Variants in ARHGAP42 observed in about 807,000 individuals in gnomAD.
ARHGAP42 encodes the protein Rho GTPase activating protein 42.
Under a neutral mutation model 125.0 loss-of-function variants are expected in ARHGAP42, and 63 were observed. The ratio of observed to expected loss-of-function variants is 0.50; its 90% CI spans 0.41 to 0.62. The LOEUF (loss-of-function observed/expected upper bound fraction) is 0.62. ARHGAP42 is among the 20% of genes least tolerant of loss of function. The pLI is 0.00. For synonymous variants in ARHGAP42, 339 were observed against 351.0 expected, an observed-to-expected ratio of 0.97 and a Z score of 0.38; for missense variants, 766 against 1,024.2, an observed-to-expected ratio of 0.75 and a Z score of 3.44.
At chr11:100,943,711 C>A in intron 9 of ARHGAP42, 48 bp from the exon 10 acceptor site, 1 of 1,274,832 alleles carries the variant, frequency 7.8e-7, no homozygotes, top group East Asian at 2.6e-5. Flanking sequence ...TAATATATTT[C>A]AATTCACTTG....
intron 3 of ARHGAP42, among the ~76,000 whole-genome samples, chr11:100,813,382 G>A (rs1255460801): frequency 6.6e-6 from 1 of 152,168 alleles, no homozygotes; most frequent in African/African-American, 2.4e-5. Context: ...AAGGTTTTAA[G>A]CCTGATGAGA....
At chr11:100,743,852 C>G (rs1489795041) in intron 1 of ARHGAP42, among the ~76,000 whole-genome samples, 5 of 152,178 alleles carry the variant, frequency 3.3e-5, no homozygotes, top group Non-Finnish European at 7.3e-5. Context: ...CTTTCATCTA[C>G]TTGTTCTAGT....
At chr11:100,943,344 CTT>C (rs1360702758) in intron 9 of ARHGAP42, among the ~76,000 whole-genome samples, 1 of 151,968 alleles carries the variant, frequency 6.6e-6, no homozygotes, top group Non-Finnish European at 1.5e-5. Flanking sequence ...ATACTAATCT[CTT>C]TGCAATCCAG....
chr11:100,770,031 G>A (rs1377786157), intron 1 of ARHGAP42, among the ~76,000 whole-genome samples: 1 of 152,126 alleles, frequency 6.6e-6, no homozygotes, highest in East Asian at 1.9e-4. Context: ...GTGAGTGGTA[G>A]TTCCTTGATA....
At position 100,720,648 on chromosome 11, in the gene ARHGAP42, C is replaced by T. The variant is rs571677057; in HGVS notation, c.154+32816C>T. Among the ~76,000 whole-genome samples the T allele has an allele frequency of 5.0e-4, 75 of 150,894 alleles. No individual in the cohort carries two copies. The South Asian group carries it at 8.8e-3, about 18-fold the overall frequency. ...AAGAACTTAAAATGAGGATATTTAA[C>T]GTTAATTGTATATGACTGTATTGGT... On this transcript the variant is annotated intron_variant, in intron 1 of 23. Coordinates refer to ENST00000298815, the MANE Select transcript of ARHGAP42 (RefSeq NM_152432.4).
At chr11:100,704,997 C>CCAG (rs1861456001) in intron 1 of ARHGAP42, among the ~76,000 whole-genome samples, 1 of 111,796 alleles carries the variant, frequency 8.9e-6, no homozygotes, top group Non-Finnish European at 1.7e-5. Flanking sequence ...GAGCCAAACC[C>CCAG]CAACAACAAC....
chr11:100,889,263 A>G (rs1866163774), intron 4 of ARHGAP42, among the ~76,000 whole-genome samples: 1 of 152,208 alleles, frequency 6.6e-6, no homozygotes, highest in Middle Eastern at 3.2e-3. Context: ...CAATGCAGTA[A>G]TGTTGACAGG....
At chr11:100,697,179 T>TC (rs1256907151) in intron 1 of ARHGAP42, among the ~76,000 whole-genome samples, 1 of 138,344 alleles carries the variant, frequency 7.2e-6, no homozygotes, top group Non-Finnish European at 1.6e-5. Flanking sequence ...TTTGTTGTTT[T>TC]GGTTTTTTTT....
At chr11:100,887,861 C>T (rs1866128694) in intron 4 of ARHGAP42, among the ~76,000 whole-genome samples, 1 of 152,202 alleles carries the variant, frequency 6.6e-6, no homozygotes, top group African/African-American at 2.4e-5. Flanking sequence ...CATTTAAGCT[C>T]ACTAGGAGGC....
At chr11:100,827,323 G>A (rs1391986908) in intron 3 of ARHGAP42, among the ~76,000 whole-genome samples, 2 of 152,092 alleles carry the variant, frequency 1.3e-5, no homozygotes. Flanking sequence ...TCTTTACATA[G>A]AGTGATGGGA....
At chr11:100,958,509 T>C (rs2135295673) in intron 12 of ARHGAP42, among the ~76,000 whole-genome samples, 1 of 140,958 alleles carries the variant, frequency 7.1e-6, no homozygotes, top group Non-Finnish European at 1.5e-5. Flanking sequence ...CTTTTTAGAG[T>C]ACTAAACACA....
In ARHGAP42 at chr11:100,960,981, C is replaced by T; in HGVS notation, c.1292C>T (p.Thr431Ile). ...TCCAAAGTTCAAAAACTCATGAATA[C>T]CACATTTTGTAAGTTTTGGATGAAG... is the stretch of plus-strand genomic sequence containing the variant. ...VNSKVQKLMN[T>I]TFSPKSPPDI... The change falls in exon 14 of 24, where the codon ACC becomes ATC. Residue 431 changes from threonine (T) to isoleucine (I), a missense_variant. Physicochemically the swap from Thr to Ile is moderately conservative, Grantham distance 89. This residue lies in a region of ARHGAP42 where 455 missense variants were observed against 636.5 expected (regional missense o/e 0.71). Transcript: ENST00000298815. 3 of 1,536,090 alleles carry T rather than the reference C, an allele frequency of 2.0e-6. No individual in the cohort carries two copies. The highest frequency in any genetic ancestry group is 2.6e-6 in the Non-Finnish European group (3 of 1,139,442).
intron 3 of ARHGAP42, among the ~76,000 whole-genome samples, chr11:100,832,316 C>T (rs1336677019): frequency 6.6e-6 from 1 of 152,210 alleles, no homozygotes; most frequent in African/African-American, 2.4e-5. Flanking sequence ...AGCTGATATT[C>T]TAGGCAGCAG....
intron 3 of ARHGAP42, among the ~76,000 whole-genome samples, chr11:100,797,853 A>T (rs1200136329): frequency 6.6e-6 from 1 of 152,232 alleles, no homozygotes; most frequent in Admixed American, 6.5e-5. Context: ...AAGTCAATTG[A>T]AAACTTTCTG....
At chr11:100,754,175 ATCTT>A (rs1315203458) in intron 1 of ARHGAP42, among the ~76,000 whole-genome samples, 1 of 152,248 alleles carries the variant, frequency 6.6e-6, no homozygotes, top group East Asian at 1.9e-4. Context: ...TTAAAAAAAA[ATCTT>A]TCTCACCGAA....
intron 13 of ARHGAP42, among the ~76,000 whole-genome samples, chr11:100,960,361 C>T (rs1311642717): frequency 6.6e-6 from 1 of 151,960 alleles, no homozygotes; most frequent in Non-Finnish European, 1.5e-5. Flanking sequence ...TCGTTTTAAT[C>T]ATGACCTCTG....
chr11:100,749,481 C>G (rs929743134), intron 1 of ARHGAP42, among the ~76,000 whole-genome samples: 6 of 151,620 alleles, frequency 4.0e-5, no homozygotes, highest in Admixed American at 2.6e-4. Flanking sequence ...GCATGTCTCG[C>G]CTGGCCTGCC....
At chr11:100,880,034 A>G (rs977290103) in intron 4 of ARHGAP42, among the ~76,000 whole-genome samples, 2 of 152,226 alleles carry the variant, frequency 1.3e-5, no homozygotes, top group African/African-American at 2.4e-5. Flanking sequence ...ACTGAAGGAC[A>G]GATTATTTAT....
intron 12 of ARHGAP42, among the ~76,000 whole-genome samples, chr11:100,955,668 G>T (rs1389930405): frequency 1.3e-5 from 2 of 152,014 alleles, no homozygotes; most frequent in Admixed American, 1.3e-4. Context: ...TCCTCTCCTT[G>T]CTGTTGCCCC....
Sources: gnomAD v4.1 joint callset for allele counts (sites outside exome capture counted in the v4.1 genomes callset) on GRCh38, gnomAD v4.1.1 for gene constraint, gnomAD v4.1.1 regional missense constraint, MANE v1.5 for transcripts, NCBI Gene and HGNC (gene_info 2026-07-23, HGNC 2026-07-21) for gene names.